Variants in KIR3DL1 observed in about 807,000 individuals in gnomAD.
KIR3DL1 encodes killer cell immunoglobulin like receptor, three Ig domains and long cytoplasmic tail 1, also known as killer cell immunoglobulin-like receptor 3DL1.
In KIR3DL1, 50 loss-of-function variants were observed where a neutral mutation model predicts 40.3. That is an observed-to-expected ratio of 1.24 (90% CI 0.99 to 1.57). The LOEUF is 1.57. Among genes scored for constraint, KIR3DL1 ranks in the 40% most tolerant of loss-of-function variants. The probability of loss-of-function intolerance (pLI) is 0.00; values close to 1 mark genes in which losing one functional copy is unlikely to be tolerated. For missense variants in KIR3DL1, 661 were observed against 559.9 expected (o/e 1.18, Z -1.82); for synonymous variants, 257 against 207.2 (o/e 1.24, Z -2.07).
exon 1 of KIR3DL1, chr19:54,816,486 T>G: frequency 3.7e-6 from 6 of 1,605,576 alleles, no homozygotes; most frequent in Non-Finnish European, 5.1e-6. Flanking sequence ...GCCGCCTGTC[T>G]GCACCGGCAG....
chr19:54,817,671 G>A lies in KIR3DL1; in HGVS notation c.70+102G>A, dbSNP rs1318109282. ...CGGGGAGTCTCTCATACACTAGGAAGAGGGGACCCTCGGATGCTCGGCCCA... is the reference window on the plus strand; with the variant it reads ...CGGGGAGTCTCTCATACACTAGGAAAAGGGGACCCTCGGATGCTCGGCCCA... On this transcript the variant is annotated intron_variant, in intron 2 of 8. Coordinates refer to ENST00000391728, the Ensembl canonical transcript of KIR3DL1. 8.5e-6 allele frequency: 8 copies of A among 946,600 alleles called. 1 individual carries two copies. The highest frequency in any genetic ancestry group is 2.2e-5 in the Admixed American group (1 of 44,488). 58.6% of individuals were successfully genotyped at this position (946,600 alleles called of 1,614,324 possible).
chr19:54,823,065 C>T (rs923296302), intron 5 of KIR3DL1, among the ~76,000 whole-genome samples: 1 of 149,936 alleles, frequency 6.7e-6, no homozygotes, highest in Non-Finnish European at 1.5e-5. Flanking sequence ...AAAGAGTTTC[C>T]CTCCTTAGTC....
rs45496791 is a variant in KIR3DL1, at chr19:54,829,479, G to T, written c.1105+14G>T. On this transcript the variant is annotated intron_variant, in intron 7 of 8. Coordinates refer to ENST00000391728, the Ensembl canonical transcript of KIR3DL1. ...CCAACAAAAAAAGTAAGTCTCACGG[G>T]GCACAGGCCAGAGAGCTCAGGGCCA... The T allele has an allele frequency of 3.6e-6, 5 of 1,387,900 alleles. No individual in the cohort carries two copies. The highest frequency in any genetic ancestry group is 3.9e-6 in the Non-Finnish European group (4 of 1,019,536). 86.0% of individuals were successfully genotyped at this position (1,387,900 alleles called of 1,614,324 possible). A position where few individuals can be genotyped will look rare whatever the true frequency, so the allele number is the denominator to read the frequency against.
chr19:54,830,629 G>T, exon 9 of KIR3DL1: 1 of 295,188 alleles, frequency 3.4e-6, no homozygotes, highest in South Asian at 5.2e-5. Context: ...CTCTTGACGT[G>T]GCACTTACCC....
rs977790498 is a variant in KIR3DL1 at position 54,824,336 on chromosome 19, A to G, written c.950-692A>G. Reference sequence around the variant, plus strand: ...CCAGTTTTCCCCACACCATTTATTGAAAAGACTGTCCTTTCCTGATTGTAA... The same window carrying G: ...CCAGTTTTCCCCACACCATTTATTGGAAAGACTGTCCTTTCCTGATTGTAA... On this transcript the variant is annotated intron_variant, in intron 5 of 8. Transcript: ENST00000391728. Among the ~76,000 whole-genome samples, 4 of 127,916 alleles carry G rather than the reference A, an allele frequency of 3.1e-5. 1 individual carries two copies. Among genetic ancestry groups the G allele is most frequent in the Admixed American group, 1.6e-4 (2 of 12,824 alleles). The allele number at this position is 127,916 out of a possible 152,430, so 83.9% of individuals were successfully genotyped here.
chr19:54,826,989 T>A (rs1380029752), intron 6 of KIR3DL1, among the ~76,000 whole-genome samples: 12 of 151,188 alleles, frequency 7.9e-5, no homozygotes, highest in African/African-American at 2.9e-4. Context: ...TAATAGTGAC[T>A]GACATGAAAA....
exon 3 of KIR3DL1, chr19:54,818,431 G>A: frequency 6.2e-7 from 1 of 1,607,790 alleles, no homozygotes. Context: ...GCTATACAAA[G>A]AAGACAGAAT....
intron 6 of KIR3DL1, among the ~76,000 whole-genome samples, chr19:54,827,921 C>A (rs1247819973): frequency 4.7e-5 from 7 of 150,282 alleles, no homozygotes; most frequent in South Asian, 2.1e-4. Context: ...TTCCAATCAC[C>A]TGTGGAAATA....
rs779123878 is a variant in KIR3DL1 at position 54,826,128 on chromosome 19, G to A, written c.1000+1050G>A. ...TTCACAAGCTATGGAGGCCAGGACA[G>A]GGACATTTTGGGGTGGGACAGCATT... On this transcript the variant is annotated intron_variant, in intron 6 of 8. Transcript: ENST00000391728. Among the ~76,000 whole-genome samples, 174 of 150,584 alleles carry A rather than the reference G, an allele frequency of 1.2e-3. 2 individuals are homozygous for A. Among genetic ancestry groups the A allele is most frequent in the Non-Finnish European group, 1.8e-3 (121 of 67,942 alleles).
In KIR3DL1 at chr19:54,829,474, C is replaced by T. The variant is rs2062096759; in HGVS notation, c.1105+9C>T. The stretch of plus-strand genomic sequence containing the variant: ...GTGCTCCAACAAAAAAAGTAAGTCT[C>T]ACGGGGCACAGGCCAGAGAGCTCAG... On this transcript the variant is annotated intron_variant, in intron 7 of 8. Coordinates refer to ENST00000391728, the Ensembl canonical transcript of KIR3DL1. The T allele has an allele frequency of 4.1e-6, 6 of 1,457,608 alleles. 1 individual carries two copies. Among genetic ancestry groups the T allele is most frequent in the Admixed American group, 1.8e-5 (1 of 54,488 alleles). The allele number at this position is 1,457,608 out of a possible 1,614,324, so 90.3% of individuals were successfully genotyped here.
At chr19:54,827,302 G>A (rs190475332) in intron 6 of KIR3DL1, among the ~76,000 whole-genome samples, 22,456 of 121,192 alleles carry the variant, frequency 0.19, 2,084 homozygotes, top group Middle Eastern at 0.28. Context: ...TTATAGCATA[G>A]TATACAAGTC....
At chr19:54,826,588 G>C (rs1299404075) in intron 6 of KIR3DL1, among the ~76,000 whole-genome samples, 2 of 147,120 alleles carry the variant, frequency 1.4e-5, no homozygotes, top group Non-Finnish European at 3.0e-5. Flanking sequence ...CCAAAGTACT[G>C]GGATTACAGG....
At chr19:54,818,095 C>A (rs552219256) in intron 2 of KIR3DL1, among the ~76,000 whole-genome samples, 1 of 115,832 alleles carries the variant, frequency 8.6e-6, no homozygotes, top group African/African-American at 4.0e-5. Flanking sequence ...GTATTAAAAT[C>A]TAGTAAGAGT....
chr19:54,826,294 T>G (rs1430006193), intron 6 of KIR3DL1, among the ~76,000 whole-genome samples: 1 of 150,286 alleles, frequency 6.7e-6, no homozygotes, highest in East Asian at 1.9e-4. Flanking sequence ...GAAGCATCTG[T>G]GCATGAAATC....
chr19:54,830,375 G>C lies in KIR3DL1; in HGVS notation c.*100G>C, dbSNP rs1179041787. 1.8e-5 allele frequency: 24 copies of C among 1,309,154 alleles called. 4 individuals carry two copies. Among genetic ancestry groups the C allele is most frequent in the Non-Finnish European group, 2.6e-5 (24 of 930,346 alleles). The allele number at this position is 1,309,154 out of a possible 1,614,324, so 81.1% of individuals were successfully genotyped here. On this transcript the variant is annotated 3_prime_UTR_variant, in exon 9 of 9. Transcript: ENST00000391728. ...ATGTACCAGCAGCTGGAATCTGAAG[G>C]CGTGAGTCTTCATCTTAGGGCATCG...
chr19:54,827,387 T>C (rs1299181961), intron 6 of KIR3DL1, among the ~76,000 whole-genome samples: 2 of 150,398 alleles, frequency 1.3e-5, no homozygotes, highest in Non-Finnish European at 2.9e-5. Context: ...AGTCAGGAGT[T>C]CGAGACCAGC....
exon 7 of KIR3DL1, chr19:54,829,455 C>T: frequency 6.7e-7 from 1 of 1,488,082 alleles, no homozygotes; most frequent in Middle Eastern, 1.8e-4. Flanking sequence ...TCTGGTGCTC[C>T]AACAAAAAAA....
chr19:54,830,483 C>G lies in KIR3DL1; in HGVS notation c.*208C>G, dbSNP rs1340968248. On this transcript the variant is annotated 3_prime_UTR_variant, in exon 9 of 9. Coordinates refer to ENST00000391728, the Ensembl canonical transcript of KIR3DL1. Reference sequence around the variant, plus strand: ...CACTGCCTGCTGGAAAGAAAACACACTCCTTTGCTTAGCCCACAGTTCTCC... The same window carrying G: ...CACTGCCTGCTGGAAAGAAAACACAGTCCTTTGCTTAGCCCACAGTTCTCC... 2 of 647,022 alleles carry G rather than the reference C, an allele frequency of 3.1e-6. 1 individual carries two copies. Among genetic ancestry groups the G allele is most frequent in the Non-Finnish European group, 5.1e-6 (2 of 391,798 alleles). 40.1% of individuals were successfully genotyped at this position (647,022 alleles called of 1,614,324 possible).
chr19:54,826,347 C>G (rs1412808738), intron 6 of KIR3DL1, among the ~76,000 whole-genome samples: 1 of 150,274 alleles, frequency 6.7e-6, no homozygotes, highest in Admixed American at 6.6e-5. Flanking sequence ...CAGAGTCTCC[C>G]TCTGTCTTCC....
Sources: gnomAD v4.1 joint callset for allele counts (sites outside exome capture counted in the v4.1 genomes callset) on GRCh38, gnomAD v4.1.1 for gene constraint, MANE v1.5 for transcripts, NCBI Gene and HGNC (gene_info 2026-07-23, HGNC 2026-07-21) for gene names.